Variants in GLIS3 observed in about 807,000 individuals in gnomAD.
The protein encoded by GLIS3 is zinc finger protein GLIS3.
GLIS3 carries 53 observed loss-of-function variants against 78.6 expected under a neutral mutation model. That is an observed-to-expected ratio of 0.67 (90% CI 0.54 to 0.85). GLIS3 has a LOEUF of 0.85. Ranked by LOEUF, GLIS3 falls within the 40% of genes least tolerant of loss-of-function variation. The probability of loss-of-function intolerance (pLI) is 0.00; values close to 1 mark genes in which losing one functional copy is unlikely to be tolerated. For synonymous variants in GLIS3, 684 were observed against 509.9 expected (o/e 1.34, Z -4.60); for missense variants, 1,703 against 1,231.1 (o/e 1.38, Z -5.74).
the GLIS3 span, among the ~76,000 whole-genome samples, chr9:4,354,701 G>A: frequency 6.6e-6 from 1 of 152,160 alleles, no homozygotes; most frequent in African/African-American, 2.4e-5. Flanking sequence ...CAGCACTGGA[G>A]TGATGCATAA....
At chr9:4,224,910 C>T (rs1057250481) in intron 2 of GLIS3, among the ~76,000 whole-genome samples, 1 of 151,774 alleles carries the variant, frequency 6.6e-6, no homozygotes, top group East Asian at 1.9e-4. Flanking sequence ...TAATTCTATG[C>T]CAAGATTTAG....
At chr9:4,295,608 G>C (rs759541020) in intron 1 of GLIS3, among the ~76,000 whole-genome samples, 1 of 152,134 alleles carries the variant, frequency 6.6e-6, no homozygotes, top group Non-Finnish European at 1.5e-5. Flanking sequence ...CAGGGCAACG[G>C]TTACCTTAGG....
At chr9:4,191,904 G>T (rs1318744272) in intron 2 of GLIS3, among the ~76,000 whole-genome samples, 1 of 151,978 alleles carries the variant, frequency 6.6e-6, no homozygotes, top group African/African-American at 2.4e-5. Context: ...TATTTCTAAA[G>T]CAAGAGAAAC....
At chr9:4,189,753 CTTCT>C (rs1818155039) in intron 2 of GLIS3, among the ~76,000 whole-genome samples, 1 of 152,094 alleles carries the variant, frequency 6.6e-6, no homozygotes, top group African/African-American at 2.4e-5. Context: ...ATGTAATGGC[CTTCT>C]TTGTCTCTTT....
chr9:4,083,734 A>C (rs1293105674), intron 4 of GLIS3, among the ~76,000 whole-genome samples: 2 of 152,216 alleles, frequency 1.3e-5, no homozygotes, highest in Non-Finnish European at 2.9e-5. Context: ...CCAAAAACAC[A>C]AGAAAAAATC....
intron 4 of GLIS3, among the ~76,000 whole-genome samples, chr9:4,001,999 A>T (rs992738506): frequency 3.1e-4 from 47 of 152,142 alleles, no homozygotes; most frequent in African/African-American, 1.1e-3. Flanking sequence ...CTATGCCCAG[A>T]CTCTGTGGAT....
At chr9:4,347,033 T>A (rs979372775) in intron 2 of GLIS3, 2 of 152,028 alleles carry the variant, frequency 1.3e-5, no homozygotes, top group Non-Finnish European at 2.9e-5. Flanking sequence ...TATAAAGAAA[T>A]ATCTAAGGCT....
At chr9:4,253,278 G>T (rs1358448554) in intron 2 of GLIS3, among the ~76,000 whole-genome samples, 1 of 152,250 alleles carries the variant, frequency 6.6e-6, no homozygotes, top group African/African-American at 2.4e-5. Flanking sequence ...GCCCCTGACT[G>T]GGGCTGCTGC....
At chr9:4,344,264 C>G (rs1030232305) in intron 2 of GLIS3, among the ~76,000 whole-genome samples, 1 of 152,140 alleles carries the variant, frequency 6.6e-6, no homozygotes, top group African/African-American at 2.4e-5. Context: ...ACTACCATTT[C>G]ATTGAAACAG....
intron 2 of GLIS3, among the ~76,000 whole-genome samples, chr9:4,328,925 G>A (rs1404831779): frequency 2.6e-5 from 4 of 152,204 alleles, no homozygotes; most frequent in African/African-American, 9.6e-5. Flanking sequence ...GGCTGACAGA[G>A]TGCAGTTCCC....
chr9:4,233,136 G>C (rs919619654), intron 2 of GLIS3, among the ~76,000 whole-genome samples: 8 of 152,186 alleles, frequency 5.3e-5, no homozygotes, highest in African/African-American at 1.9e-4. Context: ...CTTTTCCAAA[G>C]AGAGAGTGTT....
intron 4 of GLIS3, among the ~76,000 whole-genome samples, chr9:3,966,973 C>G (rs1229197253): frequency 3.1e-5 from 4 of 128,040 alleles, no homozygotes; most frequent in Non-Finnish European, 6.2e-5. Flanking sequence ...TACAGTTAAT[C>G]CTTATTCCTA....
chr9:4,366,626 G>C, the GLIS3 span, among the ~76,000 whole-genome samples: 1 of 152,228 alleles, frequency 6.6e-6, no homozygotes, highest in Non-Finnish European at 1.5e-5. Flanking sequence ...TCCTGTAAGA[G>C]AGCTGTTTTG....
At chr9:4,034,058 T>C (rs1824106012) in intron 4 of GLIS3, among the ~76,000 whole-genome samples, 1 of 151,016 alleles carries the variant, frequency 6.6e-6, no homozygotes, top group African/African-American at 2.4e-5. Flanking sequence ...CCCATTTCTA[T>C]TAAAAAAAAA....
At chr9:4,159,467 C>G (rs1302895149) in intron 2 of GLIS3, among the ~76,000 whole-genome samples, 1 of 152,068 alleles carries the variant, frequency 6.6e-6, no homozygotes, top group Non-Finnish European at 1.5e-5. Flanking sequence ...GTCTGTAATC[C>G]CAGCACTTTA....
At chr9:4,145,688 T>G (rs1834171475) in intron 2 of GLIS3, among the ~76,000 whole-genome samples, 1 of 151,648 alleles carries the variant, frequency 6.6e-6, no homozygotes, top group South Asian at 2.1e-4. Context: ...CAAACTTCCC[T>G]CTCTTTCCTC....
chr9:4,063,662 G>T (rs760086388), intron 4 of GLIS3, among the ~76,000 whole-genome samples: 1 of 151,946 alleles, frequency 6.6e-6, no homozygotes, highest in South Asian at 2.1e-4. Context: ...TGTATAAAAG[G>T]TCCTAAATAA....
the GLIS3 span, among the ~76,000 whole-genome samples, chr9:4,400,444 T>A: frequency 6.6e-6 from 1 of 152,218 alleles, no homozygotes; most frequent in African/African-American, 2.4e-5. Context: ...AATGTGATTA[T>A]GAGACATGAG....
chr9:3,947,275 C>T (rs1360273969), intron 4 of GLIS3, among the ~76,000 whole-genome samples: 1 of 152,202 alleles, frequency 6.6e-6, no homozygotes, highest in African/African-American at 2.4e-5. Flanking sequence ...CTTGGTTTAA[C>T]AGAACTAAGC....
Sources: allele counts gnomAD v4.1 joint callset (sites outside exome capture counted in the v4.1 genomes callset), GRCh38; gene constraint gnomAD v4.1.1; transcripts MANE v1.5; gene names NCBI Gene and HGNC (gene_info 2026-07-23, HGNC 2026-07-21).